SLC44A5: variants seen among roughly 807,000 people sequenced by gnomAD.
SLC44A5 encodes the protein solute carrier family 44 member 5.
A neutral mutation model predicts 101.8 loss-of-function variants in SLC44A5; 57 were observed. The ratio of observed to expected loss-of-function variants is 0.56; its 90% CI spans 0.45 to 0.70. The LOEUF is 0.70. Among genes scored for constraint, SLC44A5 ranks in the 30% least tolerant of loss-of-function variants. The pLI is 0.00. For synonymous variants in SLC44A5, 281 were observed against 290.9 expected (o/e 0.97, Z 0.35); for missense variants, 737 against 853.1 (o/e 0.86, Z 1.70).
chr1:75,433,286 G>A (rs1372040233), intron 2 of SLC44A5, among the ~76,000 whole-genome samples: 1 of 151,976 alleles, frequency 6.6e-6, no homozygotes, highest in African/African-American at 2.4e-5. Context: ...AGAAACTACT[G>A]AGCCCATTCC....
chr1:75,529,571 G>A (rs1283242205), intron 2 of SLC44A5, among the ~76,000 whole-genome samples: 1 of 152,136 alleles, frequency 6.6e-6, no homozygotes, highest in Non-Finnish European at 1.5e-5. Context: ...AGAAGGAAAA[G>A]TACTCCTTCC....
the SLC44A5 span, among the ~76,000 whole-genome samples, chr1:75,707,635 A>C: frequency 1.1e-4 from 16 of 152,182 alleles, no homozygotes; most frequent in Non-Finnish European, 1.9e-4. Flanking sequence ...CACAAATAAA[A>C]GGTATTCTGC....
At chr1:75,286,409 G>T (rs538641151) in intron 5 of SLC44A5, among the ~76,000 whole-genome samples, 2 of 152,182 alleles carry the variant, frequency 1.3e-5, no homozygotes, top group Admixed American at 1.3e-4. Flanking sequence ...GTTCGTTCGT[G>T]AATTCTTGTC....
chr1:75,388,232 A>C (rs543349107), intron 3 of SLC44A5, among the ~76,000 whole-genome samples: 5 of 148,534 alleles, frequency 3.4e-5, no homozygotes, highest in African/African-American at 1.3e-4. Context: ...ATAAATAAAT[A>C]AATCCAAAAA....
At chr1:75,539,060 C>T (rs1671206350) in intron 2 of SLC44A5, among the ~76,000 whole-genome samples, 1 of 152,182 alleles carries the variant, frequency 6.6e-6, no homozygotes, top group African/African-American at 2.4e-5. Context: ...GTCACTTTGC[C>T]TGTCTCTGTC....
intron 23 of SLC44A5, chr1:75,206,769 T>A (rs184076093): frequency 1.9e-6 from 2 of 1,036,210 alleles, no homozygotes; most frequent in Admixed American, 2.2e-5. Flanking sequence ...GCAGAACAAT[T>A]ATACACATTT....
intron 2 of SLC44A5, among the ~76,000 whole-genome samples, chr1:75,407,172 A>C (rs1451385511): frequency 1.3e-5 from 2 of 152,214 alleles, no homozygotes; most frequent in Non-Finnish European, 2.9e-5. Flanking sequence ...GGACCTCTTC[A>C]AAGAGAACTA....
the SLC44A5 span, among the ~76,000 whole-genome samples, chr1:75,694,641 A>G: frequency 6.6e-6 from 1 of 152,174 alleles, no homozygotes; most frequent in South Asian, 2.1e-4. Flanking sequence ...AAAATAAATT[A>G]GATGTTACAT....
chr1:75,530,541 A>G (rs1023043721), intron 2 of SLC44A5, among the ~76,000 whole-genome samples: 2 of 152,208 alleles, frequency 1.3e-5, no homozygotes, highest in Non-Finnish European at 1.5e-5. Flanking sequence ...AAATAGCCCT[A>G]GTTCCCAAAT....
chr1:75,474,068 T>C (rs1374902040), intron 2 of SLC44A5, among the ~76,000 whole-genome samples: 1 of 152,206 alleles, frequency 6.6e-6, no homozygotes, highest in African/African-American at 2.4e-5. Flanking sequence ...TGAGCAGATT[T>C]GCTGCTTCAT....
At chr1:75,324,655 G>T (rs1656433520) in intron 4 of SLC44A5, among the ~76,000 whole-genome samples, 1 of 152,092 alleles carries the variant, frequency 6.6e-6, no homozygotes, top group South Asian at 2.1e-4. Flanking sequence ...CAGTCTGAAG[G>T]CTGCAAGTTT....
chr1:75,692,070 A>G, the SLC44A5 span, among the ~76,000 whole-genome samples: 1 of 152,070 alleles, frequency 6.6e-6, no homozygotes, highest in African/African-American at 2.4e-5. Flanking sequence ...AATGCCAGTG[A>G]AGTTGATCCT....
intron 2 of SLC44A5, among the ~76,000 whole-genome samples, chr1:75,495,637 G>A (rs1043046109): frequency 1.3e-5 from 2 of 151,498 alleles, no homozygotes; most frequent in Admixed American, 6.6e-5. Context: ...GACTAGATAA[G>A]GAGAAGAAAG....
chr1:75,254,077 C>T (rs1029895961), intron 6 of SLC44A5, among the ~76,000 whole-genome samples: 8 of 151,582 alleles, frequency 5.3e-5, no homozygotes, highest in Admixed American at 1.3e-4. Flanking sequence ...TCACTCTTGT[C>T]GCCCAGGCTG....
chr1:75,211,606 G>A, intron 22 of SLC44A5, 54 bp from the exon 23 acceptor site: 1 of 1,264,826 alleles, frequency 7.9e-7, no homozygotes, highest in South Asian at 1.2e-5. Context: ...ACCAGAAGAA[G>A]AATAATGCAG....
intron 1 of SLC44A5, among the ~76,000 whole-genome samples, chr1:75,586,326 A>T (rs1673988424): frequency 6.6e-6 from 1 of 151,758 alleles, no homozygotes; most frequent in African/African-American, 2.4e-5. Context: ...AGTCTCCAAA[A>T]CAGAAGAGCC....
At chr1:75,718,459 G>T in the SLC44A5 span, among the ~76,000 whole-genome samples, 1 of 152,160 alleles carries the variant, frequency 6.6e-6, no homozygotes, top group East Asian at 1.9e-4. Context: ...CTTGGAATGG[G>T]ACATTAACAG....
At chr1:75,655,194 A>G in the SLC44A5 span, among the ~76,000 whole-genome samples, 34 of 152,212 alleles carry the variant, frequency 2.2e-4, no homozygotes, top group African/African-American at 8.0e-4. Context: ...AGCTTCAGGT[A>G]CTATGCTTAT....
the SLC44A5 span, among the ~76,000 whole-genome samples, chr1:75,618,215 A>G: frequency 6.6e-6 from 1 of 152,256 alleles, no homozygotes. Flanking sequence ...AGTTAGGACT[A>G]TTTTTGGTAC....
Sources: gnomAD v4.1 joint callset for allele counts (sites outside exome capture counted in the v4.1 genomes callset) on GRCh38, gnomAD v4.1.1 for gene constraint, MANE v1.5 for transcripts, NCBI Gene and HGNC (gene_info 2026-07-23, HGNC 2026-07-21) for gene names.